The following OSBPL11 variants were observed in gnomAD, a reference collection of about 807,000 sequenced individuals.
The protein encoded by OSBPL11 is oxysterol-binding protein-related protein 11.
Under a neutral mutation model 84.4 loss-of-function variants are expected in OSBPL11, and 33 were observed. The observed-to-expected ratio is 0.39, with a 90% CI of 0.30 to 0.52. The LOEUF (loss-of-function observed/expected upper bound fraction) is 0.52. OSBPL11 is among the 20% of genes least tolerant of loss of function. OSBPL11 has a pLI of 0.72. For synonymous variants in OSBPL11, 276 were observed against 310.2 expected (o/e 0.89, Z 1.16); for missense variants, 736 against 901.1 (o/e 0.82, Z 2.35).
chr3:125,578,732 C>T (rs1030120752), intron 4 of OSBPL11, among the ~76,000 whole-genome samples: 3 of 151,684 alleles, frequency 2.0e-5, no homozygotes, highest in African/African-American at 7.3e-5. Context: ...GATTGCGCCA[C>T]TGCACTCTAG....
intron 1 of OSBPL11, among the ~76,000 whole-genome samples, chr3:125,591,299 G>C (rs1936592046): frequency 6.6e-6 from 1 of 152,148 alleles, no homozygotes. Flanking sequence ...CCCACCTGCT[G>C]GTATTCTCAC....
chr3:125,591,250 T>C (rs1936591451), intron 1 of OSBPL11, among the ~76,000 whole-genome samples: 1 of 152,256 alleles, frequency 6.6e-6, no homozygotes, highest in Non-Finnish European at 1.5e-5. Context: ...TCTATTATAT[T>C]AACTGCCTAG....
intron 1 of OSBPL11, among the ~76,000 whole-genome samples, chr3:125,590,465 G>A (rs1055414850): frequency 3.9e-5 from 6 of 152,042 alleles, no homozygotes; most frequent in Admixed American, 3.9e-4. Context: ...CAGGAGAATC[G>A]CTTGGACTTG....
At chr3:125,568,430 CAA>C (rs1052383358) in intron 5 of OSBPL11, among the ~76,000 whole-genome samples, 16 of 75,572 alleles carry the variant, frequency 2.1e-4, no homozygotes, top group Admixed American at 5.8e-4. Context: ...GACTACGTCT[CAA>C]AAAAAAAAAA....
intron 8 of OSBPL11, among the ~76,000 whole-genome samples, chr3:125,555,433 T>C (rs1003758317): frequency 2.0e-5 from 3 of 152,126 alleles, no homozygotes; most frequent in Admixed American, 1.3e-4. Flanking sequence ...GGAACCCTAA[T>C]ACAATCATCA....
At chr3:125,593,832 A>G (rs1037674509) in intron 1 of OSBPL11, among the ~76,000 whole-genome samples, 10 of 152,158 alleles carry the variant, frequency 6.6e-5, no homozygotes, top group African/African-American at 2.4e-4. Flanking sequence ...GAGTCAATCA[A>G]AACTTAAGAA....
chr3:125,578,236 T>C (rs909414467), intron 4 of OSBPL11, among the ~76,000 whole-genome samples: 1 of 152,142 alleles, frequency 6.6e-6, no homozygotes, highest in African/African-American at 2.4e-5. Flanking sequence ...ACAACACGGA[T>C]GAACCTTGAA....
intron 2 of OSBPL11, among the ~76,000 whole-genome samples, chr3:125,581,693 C>CT: frequency 1.2e-5 from 1 of 84,286 alleles, no homozygotes; most frequent in Non-Finnish European, 2.1e-5. Flanking sequence ...GAGACTCCAT[C>CT]TCAAAAAAAA....
At chr3:125,550,002 A>T (rs930455675) in intron 9 of OSBPL11, among the ~76,000 whole-genome samples, 2 of 152,132 alleles carry the variant, frequency 1.3e-5, no homozygotes, top group Non-Finnish European at 2.9e-5. Flanking sequence ...AAGCAAGTTG[A>T]TCTATGAAGT....
At chr3:125,585,151 G>A (rs894425626) in intron 1 of OSBPL11, among the ~76,000 whole-genome samples, 1 of 151,946 alleles carries the variant, frequency 6.6e-6, no homozygotes, top group Non-Finnish European at 1.5e-5. Context: ...TTTTAATTGC[G>A]ACAGAGTCTC....
Position 125,566,796 on chromosome 3 carries a change from T to TA in OSBPL11, c.868+597_868+598insT, listed in dbSNP as rs1258860657. Among the ~76,000 whole-genome samples, 153 of 149,282 alleles carry TA rather than the reference T, an allele frequency of 1.0e-3. 1 individual carries two copies. The highest frequency in any genetic ancestry group is 7.1e-3 in the Middle Eastern group (2 of 282). Reference sequence around the variant, plus strand: ...TATATGTGTGTATATATATATATATTTTTTTTTTAATGGGGTCTCATTCTG... The same window carrying TA: ...TATATGTGTGTATATATATATATATTATTTTTTTTAATGGGGTCTCATTCTG... On this transcript the variant is annotated intron_variant, in intron 6 of 12. Transcript: ENST00000296220.
At position 125,573,247 on chromosome 3, in the gene OSBPL11, T is replaced by C. The variant is rs548841999; in HGVS notation, c.666+2942A>G. On this transcript the variant is annotated intron_variant, in intron 5 of 12. Coordinates refer to ENST00000296220, the MANE Select transcript of OSBPL11 (RefSeq NM_022776.5). ...AACTTCAAGAAAGCTGAAAACTTGG[T>C]GAACCTGTGTTTTGTAGCTAGAAAT... is the stretch of plus-strand genomic sequence containing the variant. Among the ~76,000 whole-genome samples, 3 of 152,138 alleles carry C rather than the reference T, an allele frequency of 2.0e-5. No homozygotes were observed. The East Asian group carries it at 5.8e-4, about 29-fold the overall frequency.
rs892582605 is a variant in OSBPL11 at position 125,581,916 on chromosome 3, G to T, written c.233+994C>A. ...ATTTCAGCCCGAGGTGGAGGTTACAGTGAGCTGAGATCATGCCACTATACT... is the reference window on the plus strand; with the variant it reads ...ATTTCAGCCCGAGGTGGAGGTTACATTGAGCTGAGATCATGCCACTATACT... On this transcript the variant is annotated intron_variant, in intron 2 of 12. Transcript: ENST00000296220. 1.2e-4 allele frequency among the ~76,000 whole-genome samples: 18 copies of T among 152,086 alleles called. No homozygotes were observed. In the South Asian group the frequency reaches 2.3e-3, roughly 19 times the overall value.
At chr3:125,545,523 A>G (rs1423003078) in intron 10 of OSBPL11, among the ~76,000 whole-genome samples, 1 of 152,220 alleles carries the variant, frequency 6.6e-6, no homozygotes. Context: ...CTGGATTATA[A>G]TCTCAGACTG....
intron 10 of OSBPL11, among the ~76,000 whole-genome samples, chr3:125,542,411 C>T (rs897709813): frequency 1.3e-5 from 2 of 151,594 alleles, no homozygotes; most frequent in Non-Finnish European, 2.9e-5. Context: ...TCTCGGCTCA[C>T]AGCAACCTCT....
intron 6 of OSBPL11, among the ~76,000 whole-genome samples, chr3:125,564,811 T>C (rs1042360658): frequency 6.6e-6 from 1 of 152,074 alleles, no homozygotes; most frequent in Non-Finnish European, 1.5e-5. Flanking sequence ...CTCACCACCA[T>C]GCCTGGCTAA....
intron 11 of OSBPL11, among the ~76,000 whole-genome samples, chr3:125,536,600 C>A (rs917845993): frequency 6.6e-6 from 1 of 152,120 alleles, no homozygotes; most frequent in Non-Finnish European, 1.5e-5. Flanking sequence ...TAGTAACATA[C>A]CATCAATTGT....
chr3:125,575,370 T>TTA (rs1273938502), intron 5 of OSBPL11, among the ~76,000 whole-genome samples: 1 of 151,892 alleles, frequency 6.6e-6, no homozygotes, highest in African/African-American at 2.4e-5. Context: ...CATATATCAG[T>TTA]TATATATATA....
In OSBPL11 at chr3:125,552,431, T is replaced by G; in HGVS notation, c.1404A>C (p.Val468=). Reference sequence around the variant, plus strand: ...AAGAACTGCTAAAAACACTGGATGCTACCTCGCTTTTTGGCATCTTCCAGG... The same window carrying G: ...AAGAACTGCTAAAAACACTGGATGCGACCTCGCTTTTTGGCATCTTCCAGG... The part of the protein sequence containing the change: ...HCSWKMPKSE[V]ASSVFSSSST... The change falls in exon 9 of 13, where the codon GTA becomes GTC. Residue 468 remains valine, a synonymous_variant. Transcript: ENST00000296220. 6.2e-7 allele frequency: 1 copy of G among 1,614,200 alleles called. No homozygotes were observed. The highest frequency in any genetic ancestry group is 1.1e-5 in the South Asian group (1 of 91,088).
Sources: allele counts gnomAD v4.1 joint callset (sites outside exome capture counted in the v4.1 genomes callset), GRCh38; gene constraint gnomAD v4.1.1; transcripts MANE v1.5; gene names NCBI Gene and HGNC (gene_info 2026-07-23, HGNC 2026-07-21).